The following KRTAP4-6 variants were observed in gnomAD, a reference collection of about 807,000 sequenced individuals.
KRTAP4-6 encodes keratin associated protein 4-6, also known as keratin-associated protein 4-6.
Under a neutral mutation model 3.6 loss-of-function variants are expected in KRTAP4-6, and 1 was observed. The observed-to-expected ratio is 0.28, with a 90% CI of 0.10 to 1.32. The LOEUF (loss-of-function observed/expected upper bound fraction) is 1.32. Ranked by LOEUF, KRTAP4-6 falls within the 40% of genes most tolerant of loss-of-function variation. The pLI, the probability that KRTAP4-6 is intolerant of heterozygous loss-of-function variation, is 0.45. For missense variants in KRTAP4-6, 275 were observed against 280.3 expected (o/e 0.98, Z 0.14); for synonymous variants, 97 against 96.7 (o/e 1.00, Z -0.02).
chr17:41,139,719 T>C, exon 1 of KRTAP4-6: 1 of 1,132,422 alleles, frequency 8.8e-7, no homozygotes, highest in Non-Finnish European at 1.2e-6. Flanking sequence ...ATATTCTAGA[T>C]GTATAGCCAG....
exon 1 of KRTAP4-6, chr17:41,140,228 G>T: frequency 6.3e-7 from 1 of 1,595,724 alleles, no homozygotes; most frequent in Non-Finnish European, 8.6e-7. Flanking sequence ...GCAGCAGCTG[G>T]ATACACAGCA....
chr17:41,139,722 A>G (rs1430136788), exon 1 of KRTAP4-6: 1 of 1,161,314 alleles, frequency 8.6e-7, no homozygotes, highest in Non-Finnish European at 1.2e-6. Context: ...TTCTAGATGT[A>G]TAGCCAGGAC....
At chr17:41,140,420 G>T (rs1281535594) in exon 1 of KRTAP4-6, 1 of 1,613,906 alleles carries the variant, frequency 6.2e-7, no homozygotes, top group African/African-American at 1.3e-5. Context: ...ACAGCAGCTG[G>T]GGCGGCAGCA....
At chr17:41,139,443 C>T (rs890194589) in exon 1 of KRTAP4-6, 31 of 196,118 alleles carry the variant, frequency 1.6e-4, no homozygotes, top group African/African-American at 3.8e-4. Context: ...TATTTCTATG[C>T]GACAAAAGTG....
At chr17:41,140,214 G>C (rs35985080) in exon 1 of KRTAP4-6, 2 of 1,603,538 alleles carry the variant, frequency 1.2e-6, no homozygotes, top group Non-Finnish European at 1.7e-6. Flanking sequence ...CAGCACTGGG[G>C]TCTGCAGCAG....
exon 1 of KRTAP4-6, chr17:41,139,585 A>T: frequency 2.0e-6 from 1 of 499,376 alleles, no homozygotes; most frequent in Non-Finnish European, 3.4e-6. Context: ...AAGAATTTCC[A>T]TGTTTGGGAC....
At chr17:41,140,295 A>T in exon 1 of KRTAP4-6, 1 of 1,604,570 alleles carries the variant, frequency 6.2e-7, no homozygotes, top group Non-Finnish European at 8.5e-7. Context: ...CTGGGACAGC[A>T]GCTGGGACGG....
chr17:41,140,002 CG>C lies in KRTAP4-6; in HGVS notation c.485del (p.Pro162ArgfsTer49). The C allele has an allele frequency of 6.2e-7, 1 of 1,600,698 alleles. No homozygotes were observed. The highest frequency in any genetic ancestry group is 8.5e-7 in the Non-Finnish European group (1 of 1,174,656). On this transcript the variant is annotated frameshift_variant, in exon 1 of 1. Transcript: ENST00000345847. LOFTEE classifies it high-confidence loss of function. ...GGCAGCAGCAGGGGCGGCAGCAGCA[CG>C]GGCGGCAGCAGCTGGATTCACAGCA...
chr17:41,140,389 G>A (rs920099003), exon 1 of KRTAP4-6: 2 of 1,613,686 alleles, frequency 1.2e-6, no homozygotes, highest in African/African-American at 2.7e-5. Context: ...GGCAGCAGGT[G>A]GTCCTGCAGC....
chr17:41,139,518 G>A, exon 1 of KRTAP4-6: 1 of 346,400 alleles, frequency 2.9e-6, no homozygotes, highest in Non-Finnish European at 5.2e-6. Context: ...AATACAGGGT[G>A]AAACAATCAG....
rs751229258 is a variant in KRTAP4-6 at position 41,139,958 on chromosome 17, C to T, written c.530G>A (p.Arg177Gln). Residue 177 changes from arginine to glutamine, a missense_variant, in exon 1 of 1, where the codon CGA becomes CAA. By Grantham distance (43) the Arg-to-Gln change is conservative. Transcript: ENST00000345847. Reference sequence around the variant, plus strand: ...ATAGCAAGTGGTGTGGCAGGAGACTCGGCCACAGACTGGACGCAGGCAGCA... The same window carrying T: ...ATAGCAAGTGGTGTGGCAGGAGACTTGGCCACAGACTGGACGCAGGCAGCA... 593 of 1,607,672 alleles carry T rather than the reference C, an allele frequency of 3.7e-4. No individual in the cohort carries two copies. Among genetic ancestry groups the T allele is most frequent in the Non-Finnish European group, 4.7e-4 (554 of 1,177,082 alleles).
At chr17:41,140,201 T>G in exon 1 of KRTAP4-6, 1 of 1,582,560 alleles carries the variant, frequency 6.3e-7, no homozygotes, top group Non-Finnish European at 8.6e-7. Context: ...GCACACAGAC[T>G]GGCAGCACTG....
exon 1 of KRTAP4-6, chr17:41,139,771 T>C: frequency 1.4e-6 from 2 of 1,468,242 alleles, no homozygotes; most frequent in Non-Finnish European, 1.8e-6. Flanking sequence ...GGAAACACAG[T>C]TGGTGGGAAT....
At chr17:41,140,357 C>G in exon 1 of KRTAP4-6, 1 of 1,613,282 alleles carries the variant, frequency 6.2e-7, no homozygotes, top group Non-Finnish European at 8.5e-7. Flanking sequence ...TCTGCAGCAG[C>G]TGGACACACA....
chr17:41,140,086 GCA>G lies in KRTAP4-6; in HGVS notation c.400_401del (p.Cys134LeufsTer22), dbSNP rs1193693319. ...TGGGACGGCAGCAGGTTGGCTGGCAGCACACAGACTGGCAGCACTGGGACCTG... is the reference window on the plus strand; with the variant it reads ...TGGGACGGCAGCAGGTTGGCTGGCAGCACAGACTGGCAGCACTGGGACCTG... On this transcript the variant is annotated frameshift_variant, in exon 1 of 1. Transcript: ENST00000345847. LOFTEE classifies it low-confidence loss of function (END_TRUNC). 6.8e-7 allele frequency: 1 copy of G among 1,460,442 alleles called. No homozygotes were observed. The highest frequency in any genetic ancestry group is 1.4e-5 in the African/African-American group (1 of 70,018). 90.5% of individuals were successfully genotyped at this position (1,460,442 alleles called of 1,614,324 possible). A position where few individuals can be genotyped will look rare whatever the true frequency, so the allele number is the denominator to read the frequency against.
At chr17:41,140,153 G>A in exon 1 of KRTAP4-6, 1 of 1,464,518 alleles carries the variant, frequency 6.8e-7, no homozygotes, top group Non-Finnish European at 9.3e-7. Flanking sequence ...ACAGCAGCTG[G>A]AGATGCTGCA....
chr17:41,139,651 A>G lies in KRTAP4-6; in HGVS notation c.*219T>C, dbSNP rs140518896. 8.4e-4 allele frequency: 643 copies of G among 762,320 alleles called. 2 individuals are homozygous for G. In the African/African-American group the frequency reaches 9.6e-3, roughly 11 times the overall value. The allele number at this position is 762,320 out of a possible 1,614,324, so 47.2% of individuals were successfully genotyped here. A position where few individuals can be genotyped will look rare whatever the true frequency, so the allele number is the denominator to read the frequency against. On this transcript the variant is annotated 3_prime_UTR_variant, in exon 1 of 1. Transcript: ENST00000345847. ...TAAGGTATAAAATTTGGTAAATTCT[A>G]TTAATTTCTTTCTGTAAATAATATC...
exon 1 of KRTAP4-6, chr17:41,139,747 T>C (rs1248291841): frequency 5.9e-6 from 8 of 1,359,044 alleles, no homozygotes; most frequent in East Asian, 5.0e-5. Context: ...ATCCTAGATA[T>C]ATGTCCAGGA....
chr17:41,140,067 G>T (rs572587866), exon 1 of KRTAP4-6: 1 of 1,602,360 alleles, frequency 6.2e-7, no homozygotes, highest in Non-Finnish European at 8.5e-7. Context: ...CAGCTGGGAC[G>T]GCAGCAGGTT....
Sources: allele counts gnomAD v4.1 joint callset, GRCh38; gene constraint gnomAD v4.1.1; transcripts MANE v1.5; gene names NCBI Gene and HGNC (gene_info 2026-07-23, HGNC 2026-07-21).